Variants in ARHGAP31 observed in about 807,000 individuals in gnomAD.
The protein encoded by ARHGAP31 is rho GTPase-activating protein 31.
In ARHGAP31, 34 loss-of-function variants were observed where a neutral mutation model predicts 113.9. That is an observed-to-expected ratio of 0.30 (90% CI 0.23 to 0.40). The LOEUF is 0.40. Among genes scored for constraint, ARHGAP31 ranks in the 10% least tolerant of loss-of-function variants. The pLI, the probability that ARHGAP31 is intolerant of heterozygous loss-of-function variation, is 1.00. For missense variants in ARHGAP31, 1,548 were observed against 1,767.1 expected, an observed-to-expected ratio of 0.88 and a Z score of 2.22; for synonymous variants, 650 against 684.8, an observed-to-expected ratio of 0.95 and a Z score of 0.79.
chr3:119,394,199 T>A (rs1289199617), intron 8 of ARHGAP31, among the ~76,000 whole-genome samples: 1 of 152,248 alleles, frequency 6.6e-6, no homozygotes, highest in African/African-American at 2.4e-5. Flanking sequence ...AATATCTTAT[T>A]GCGTGTGAAG....
At chr3:119,355,592 T>C (rs2080148261) in intron 1 of ARHGAP31, among the ~76,000 whole-genome samples, 1 of 152,068 alleles carries the variant, frequency 6.6e-6, no homozygotes, top group Non-Finnish European at 1.5e-5. Context: ...ACTCATTAAC[T>C]CGTCATTTGC....
intron 3 of ARHGAP31, among the ~76,000 whole-genome samples, chr3:119,378,404 A>G (rs2080366796): frequency 6.6e-6 from 1 of 151,974 alleles, no homozygotes; most frequent in Admixed American, 6.5e-5. Context: ...CCCAAATGGG[A>G]CCTGCAGGCC....
intron 1 of ARHGAP31, chr3:119,330,089 C>CTAATCA (rs1231352631): frequency 1.2e-6 from 1 of 851,486 alleles, no homozygotes; most frequent in Non-Finnish European, 1.4e-6. Flanking sequence ...TTGAACTGAT[C>CTAATCA]TAATCACCCC....
At chr3:119,365,475 CCT>C (rs2080245910) in intron 2 of ARHGAP31, 57 bp downstream of exon 2, 7 of 1,462,574 alleles carry the variant, frequency 4.8e-6, no homozygotes, top group Non-Finnish European at 6.7e-6. Flanking sequence ...TGTGTCCATG[CCT>C]CTGTCCATCG....
chr3:119,388,292 T>C (rs918653900), intron 6 of ARHGAP31, among the ~76,000 whole-genome samples: 5 of 100,584 alleles, frequency 5.0e-5, no homozygotes, highest in African/African-American at 1.9e-4. Flanking sequence ...ACATATAATA[T>C]GTATATGTAT....
chr3:119,408,831 G>A (rs12490630), intron 10 of ARHGAP31, among the ~76,000 whole-genome samples: 22,059 of 152,154 alleles, frequency 0.14, 2,011 homozygotes, highest in Non-Finnish European at 0.2. Flanking sequence ...TCCTGATCTC[G>A]TAGATGTTTA....
intron 1 of ARHGAP31, among the ~76,000 whole-genome samples, chr3:119,336,199 G>T (rs1443095713): frequency 6.6e-6 from 1 of 152,104 alleles, no homozygotes; most frequent in Non-Finnish European, 1.5e-5. Flanking sequence ...AGAAATACTG[G>T]TTCTGAGTTA....
intron 1 of ARHGAP31, among the ~76,000 whole-genome samples, chr3:119,358,226 G>T (rs1487888020): frequency 6.6e-6 from 1 of 152,126 alleles, no homozygotes; most frequent in East Asian, 1.9e-4. Context: ...CTTCAAAAGA[G>T]ATATACAAAC....
chr3:119,368,960 G>T (rs574561491), intron 3 of ARHGAP31, among the ~76,000 whole-genome samples: 1 of 152,220 alleles, frequency 6.6e-6, no homozygotes, highest in African/African-American at 2.4e-5. Flanking sequence ...GTAGAGAGGG[G>T]AGAGGGAACA....
At chr3:119,391,252 T>C (rs1001148422) in intron 7 of ARHGAP31, among the ~76,000 whole-genome samples, 3 of 152,094 alleles carry the variant, frequency 2.0e-5, no homozygotes, top group Non-Finnish European at 4.4e-5. Flanking sequence ...ATTATAGGGG[T>C]CACATCACAA....
intron 1 of ARHGAP31, among the ~76,000 whole-genome samples, chr3:119,345,903 T>G (rs1343746297): frequency 1.3e-5 from 2 of 152,172 alleles, no homozygotes; most frequent in Non-Finnish European, 2.9e-5. Flanking sequence ...ACGGGCTCTG[T>G]TAGCCCTGAC....
intron 11 of ARHGAP31, among the ~76,000 whole-genome samples, chr3:119,411,507 G>C (rs534464522): frequency 2.3e-4 from 35 of 152,282 alleles, no homozygotes; most frequent in Admixed American, 2.2e-3. Flanking sequence ...GATGCACTGT[G>C]GGTCCACTTA....
intron 1 of ARHGAP31, among the ~76,000 whole-genome samples, chr3:119,362,767 T>C (rs866463852): frequency 1.7e-5 from 2 of 119,358 alleles, no homozygotes; most frequent in African/African-American, 6.2e-5. Flanking sequence ...AAACTCTGTC[T>C]AAAAAAAAAA....
intron 1 of ARHGAP31, among the ~76,000 whole-genome samples, chr3:119,357,464 G>C (rs2080167939): frequency 7.7e-6 from 1 of 130,502 alleles, no homozygotes; most frequent in Non-Finnish European, 1.8e-5. Flanking sequence ...GAGACTGGCA[G>C]GGGGGAGTGT....
chr3:119,323,296 A>ACAGCCGCCGGCCCTGGGGG (rs1232518175), intron 1 of ARHGAP31, among the ~76,000 whole-genome samples: 1 of 151,642 alleles, frequency 6.6e-6, no homozygotes, highest in Non-Finnish European at 1.5e-5. Context: ...AACCCCAGGG[A>ACAGCCGCCGGCCCTGGGGG]CAGCCGCCGG....
At chr3:119,341,068 A>G (rs2080003800) in intron 1 of ARHGAP31, among the ~76,000 whole-genome samples, 1 of 152,114 alleles carries the variant, frequency 6.6e-6, no homozygotes, top group Non-Finnish European at 1.5e-5. Flanking sequence ...ACTCATAAAT[A>G]TTTGCTGAAT....
intron 11 of ARHGAP31, among the ~76,000 whole-genome samples, chr3:119,412,323 G>A (rs1467959818): frequency 2.0e-5 from 3 of 151,960 alleles, no homozygotes; most frequent in African/African-American, 7.3e-5. Context: ...GGGAGGAGGA[G>A]GTTGCAATGA....
rs1400620943 is a variant in ARHGAP31, at chr3:119,409,732, G to C, written c.1882G>C (p.Glu628Gln). 6.2e-7 allele frequency: 1 copy of C among 1,608,946 alleles called. No individual in the cohort carries two copies. Among genetic ancestry groups the C allele is most frequent in the African/African-American group, 1.3e-5 (1 of 74,858 alleles). The part of the protein sequence containing the change: ...AGEMESSTLQ[E>Q]SPRARAEAVL... Reference sequence around the variant, plus strand: ...TGAGATGGAGTCCAGCACCCTGCAGGAGAGCCCCAGGGCCAGAGCCGAAGC... The same window carrying C: ...TGAGATGGAGTCCAGCACCCTGCAGCAGAGCCCCAGGGCCAGAGCCGAAGC... The change falls in exon 11 of 12, where the codon GAG (glutamate) becomes CAG (glutamine). Residue 628 changes from glutamate to glutamine, a missense_variant. By Grantham distance (29) the Glu-to-Gln change is conservative. Coordinates refer to ENST00000264245, the MANE Select transcript of ARHGAP31 (RefSeq NM_020754.4).
chr3:119,409,581 C>G lies in ARHGAP31; in HGVS notation c.1731C>G (p.Ser577=), dbSNP rs1257775669. 6.2e-7 allele frequency: 1 copy of G among 1,614,052 alleles called. No homozygotes were observed. The highest frequency in any genetic ancestry group is 2.2e-5 in the East Asian group (1 of 44,866). ...CAGTGGAATGCAGCAAAGGCCTGTC[C>G]CAGGAGCCAGGCGCCCACCTGGAGG... ...PGTVECSKGL[S]QEPGAHLEEK... The change falls in exon 11 of 12, where the codon TCC becomes TCG. Residue 577 remains serine (S), a synonymous_variant. Coordinates refer to ENST00000264245, the MANE Select transcript of ARHGAP31 (RefSeq NM_020754.4).
Sources: allele counts gnomAD v4.1 joint callset (sites outside exome capture counted in the v4.1 genomes callset), GRCh38; gene constraint gnomAD v4.1.1; transcripts MANE v1.5; gene names NCBI Gene and HGNC (gene_info 2026-07-23, HGNC 2026-07-21).